MINPP1: variants seen among roughly 807,000 people sequenced by gnomAD.
The protein encoded by MINPP1 is multiple inositol polyphosphate phosphatase 1.
In MINPP1, 28 loss-of-function variants were observed where a neutral mutation model predicts 46.1. The ratio of observed to expected loss-of-function variants is 0.61; its 90% CI spans 0.45 to 0.83. The LOEUF is 0.83. MINPP1 is among the 40% of genes least tolerant of loss of function. MINPP1 has a pLI of 0.00. For synonymous variants in MINPP1, 268 were observed against 249.1 expected (o/e 1.08, Z -0.72); for missense variants, 603 against 610.0 (o/e 0.99, Z 0.12).
intron 2 of MINPP1, 82 bp downstream of exon 2, chr10:87,508,615 C>CT: frequency 7.3e-7 from 1 of 1,371,564 alleles, no homozygotes; most frequent in East Asian, 2.4e-5. Context: ...AGGAAACAGT[C>CT]TTTTTTAAAG....
intron 4 of MINPP1, among the ~76,000 whole-genome samples, chr10:87,535,840 G>A (rs1193900384): frequency 6.6e-6 from 1 of 151,996 alleles, no homozygotes; most frequent in East Asian, 1.9e-4. Flanking sequence ...GAGGTGGGAG[G>A]ATCACCTGAG....
chr10:87,504,896 C>G lies in MINPP1; in HGVS notation c.-20C>G, dbSNP rs1278434437. The G allele has an allele frequency of 6.2e-7, 1 of 1,607,206 alleles. No homozygotes were observed. Among genetic ancestry groups the G allele is most frequent in the Admixed American group, 1.7e-5 (1 of 59,762 alleles). ...GGGCATCTGCAGCTGGCTCGGCGCA[C>G]TCCACTGACCGTCCCGACGATGCTA... On this transcript the variant is annotated 5_prime_UTR_variant, in exon 1 of 5. Transcript: ENST00000371996.
chr10:87,513,305 C>T, intron 3 of MINPP1, 84 bp downstream of exon 3: 2 of 951,086 alleles, frequency 2.1e-6, no homozygotes, highest in South Asian at 2.8e-5. Context: ...CTTGAAGCAG[C>T]TTTTCAGAAA....
intron 4 of MINPP1, among the ~76,000 whole-genome samples, chr10:87,538,164 A>G (rs1206084378): frequency 6.8e-6 from 1 of 146,470 alleles, no homozygotes; most frequent in Non-Finnish European, 1.5e-5. Flanking sequence ...GGATTTGGAT[A>G]GTTTTCTCAT....
At chr10:87,545,572 T>C (rs1410210302) in intron 4 of MINPP1, among the ~76,000 whole-genome samples, 2 of 152,236 alleles carry the variant, frequency 1.3e-5, no homozygotes, top group Non-Finnish European at 2.9e-5. Context: ...GACATAATAC[T>C]AACTTAAAAT....
At chr10:87,537,243 T>C (rs1029126458) in intron 4 of MINPP1, among the ~76,000 whole-genome samples, 4 of 152,180 alleles carry the variant, frequency 2.6e-5, no homozygotes, top group African/African-American at 9.7e-5. Flanking sequence ...GGCCGTCTTT[T>C]TCACTTTTTA....
chr10:87,530,840 G>A (rs191855264), intron 4 of MINPP1, among the ~76,000 whole-genome samples: 1 of 152,304 alleles, frequency 6.6e-6, no homozygotes, highest in Non-Finnish European at 1.5e-5. Flanking sequence ...TTGAGTTGCA[G>A]TGGGCTCCAC....
intron 4 of MINPP1, among the ~76,000 whole-genome samples, chr10:87,535,796 G>C (rs1851726505): frequency 6.6e-6 from 1 of 152,072 alleles, no homozygotes; most frequent in Non-Finnish European, 1.5e-5. Context: ...AGGCGTGGTG[G>C]CATGTGCCTG....
rs1851240487 is a variant in MINPP1, at chr10:87,505,853, C to A, written c.637+301C>A. On this transcript the variant is annotated intron_variant, in intron 1 of 4. Coordinates refer to ENST00000371996, the MANE Select transcript of MINPP1 (RefSeq NM_004897.5). This position sits in a 1 kb window ranked among gnomAD's most constrained non-coding sequence, Gnocchi z 4.4. ...AGGAAAGGGGACAGACGAGGTCTCC[C>A]GCAATTTTTGCGCTCCCGTTCCCAA... 6.6e-6 allele frequency among the ~76,000 whole-genome samples: 1 copy of A among 152,128 alleles called. No individual in the cohort carries two copies. Among genetic ancestry groups the A allele is most frequent in the African/African-American group, 2.4e-5 (1 of 41,414 alleles).
intron 3 of MINPP1, among the ~76,000 whole-genome samples, chr10:87,515,970 A>G (rs1032829189): frequency 3.3e-5 from 5 of 151,510 alleles, no homozygotes; most frequent in African/African-American, 1.2e-4. Flanking sequence ...CTGGGATTAC[A>G]GGCATGTGCC....
chr10:87,533,702 A>G (rs1851691501), intron 4 of MINPP1, among the ~76,000 whole-genome samples: 1 of 151,348 alleles, frequency 6.6e-6, no homozygotes, highest in Non-Finnish European at 1.5e-5. Flanking sequence ...CTCAGTGTTA[A>G]CCTTTTTTTT....
intron 4 of MINPP1, among the ~76,000 whole-genome samples, chr10:87,547,155 G>T (rs578239241): frequency 1.3e-5 from 2 of 151,906 alleles, no homozygotes; most frequent in Admixed American, 1.3e-4. Flanking sequence ...TCTGTCACCC[G>T]GGCTAGAGTG....
chr10:87,523,246 T>C (rs1206646284), intron 4 of MINPP1, among the ~76,000 whole-genome samples: 1 of 152,220 alleles, frequency 6.6e-6, no homozygotes, highest in Non-Finnish European at 1.5e-5. Context: ...CTGGGAGGTT[T>C]CCAGTTTACA....
Position 87,505,253 on chromosome 10 carries a change from G to C in MINPP1, c.338G>C (p.Gly113Ala). The change falls in exon 1 of 5, where the codon GGG becomes GCG. Residue 113 changes from glycine (G) to alanine (A), a missense_variant. Gly to Ala is a moderately conservative substitution (Grantham distance 60). Coordinates refer to ENST00000371996, the MANE Select transcript of MINPP1 (RefSeq NM_004897.5). The surrounding 1 kb of genome is among the most constrained non-coding windows in gnomAD (Gnocchi z 4.4). Reference sequence around the variant, plus strand: ...CTGCACGGGTTGCTGCAGGCCCGCGGGTCCAGGGATGGCGGGGCTAGTAGT... The same window carrying C: ...CTGCACGGGTTGCTGCAGGCCCGCGCGTCCAGGGATGGCGGGGCTAGTAGT... ...RQLHGLLQARGSRDGGASSTG... is the reference protein window; with the variant it reads ...RQLHGLLQARASRDGGASSTG... The C allele has an allele frequency of 6.2e-7, 1 of 1,612,312 alleles. No individual in the cohort carries two copies. Among genetic ancestry groups the C allele is most frequent in the Non-Finnish European group, 8.5e-7 (1 of 1,178,884 alleles).
chr10:87,516,500 A>G lies in MINPP1; in HGVS notation c.933+3279A>G, dbSNP rs1315135472. On this transcript the variant is annotated intron_variant, in intron 3 of 4. Coordinates refer to ENST00000371996, the MANE Select transcript of MINPP1 (RefSeq NM_004897.5). The stretch of plus-strand genomic sequence containing the variant: ...CCAGACATAGCCTCGTTGTAAGTCA[A>G]GGAGCGCACTGAAAGTGTATTGCTT... Among the ~76,000 whole-genome samples, 4 of 105,060 alleles carry G rather than the reference A, an allele frequency of 3.8e-5. 2 individuals are homozygous for G. The highest frequency in any genetic ancestry group is 1.0e-4 in the Non-Finnish European group (4 of 40,076). 68.9% of individuals were successfully genotyped at this position (105,060 alleles called of 152,430 possible). A position where few individuals can be genotyped will look rare whatever the true frequency, so the allele number is the denominator to read the frequency against.
intron 4 of MINPP1, 52 bp from the exon 5 acceptor site, chr10:87,552,030 G>T: frequency 7.2e-7 from 1 of 1,394,750 alleles, no homozygotes; most frequent in East Asian, 2.3e-5. Context: ...TAAATACTAT[G>T]TTCTATGACA....
At chr10:87,511,307 T>G (rs1851330982) in intron 2 of MINPP1, among the ~76,000 whole-genome samples, 1 of 152,222 alleles carries the variant, frequency 6.6e-6, no homozygotes, top group Non-Finnish European at 1.5e-5. Flanking sequence ...TTACATCTTT[T>G]ACATAGCCAT....
intron 4 of MINPP1, among the ~76,000 whole-genome samples, chr10:87,526,567 A>G (rs1184332365): frequency 1.3e-5 from 2 of 152,166 alleles, no homozygotes; most frequent in Non-Finnish European, 2.9e-5. Context: ...CCATTTGTCA[A>G]TTTTGGCTTT....
At chr10:87,511,695 A>T (rs192697245) in intron 2 of MINPP1, among the ~76,000 whole-genome samples, 64 of 151,778 alleles carry the variant, frequency 4.2e-4, no homozygotes, top group African/African-American at 1.5e-3. Context: ...TTCTCCCTGT[A>T]CTCTGAAGAG....
Sources: allele counts gnomAD v4.1 joint callset (sites outside exome capture counted in the v4.1 genomes callset), GRCh38; gene constraint gnomAD v4.1.1; non-coding constraint Gnocchi (gnomAD v3.1); transcripts MANE v1.5; gene names NCBI Gene and HGNC (gene_info 2026-07-23, HGNC 2026-07-21).